Variants in SLC35F3 observed in about 807,000 individuals in gnomAD.
The protein encoded by SLC35F3 is solute carrier family 35 member F3, also known as putative thiamine transporter SLC35F3.
Under a neutral mutation model 49.9 loss-of-function variants are expected in SLC35F3, and 25 were observed. That is an observed-to-expected ratio of 0.50 (90% confidence interval 0.37 to 0.70). The LOEUF (loss-of-function observed/expected upper bound fraction) is 0.70, where lower values mean the gene tolerates loss of function less well. Among genes scored for constraint, SLC35F3 ranks in the 30% least tolerant of loss-of-function variants. The probability of loss-of-function intolerance (pLI) is 0.00; values close to 1 mark genes in which losing one functional copy is unlikely to be tolerated. For synonymous variants in SLC35F3, 275 were observed against 265.4 expected (o/e 1.04, Z -0.35); for missense variants, 525 against 639.8 (o/e 0.82, Z 1.94).
chr1:233,906,999 A>G (rs1016466753), intron 2 of SLC35F3, among the ~76,000 whole-genome samples: 2 of 152,194 alleles, frequency 1.3e-5, no homozygotes, highest in Admixed American at 1.3e-4. Context: ...GTAGCTTATT[A>G]CAAAAGGAAG....
At chr1:234,195,595 A>C (rs183840652) in intron 2 of SLC35F3, among the ~76,000 whole-genome samples, 14 of 152,120 alleles carry the variant, frequency 9.2e-5, no homozygotes, top group African/African-American at 3.4e-4. Flanking sequence ...ATCTTCCTTT[A>C]GGTTTCGGTC....
chr1:234,118,278 T>C (rs1665522636), intron 2 of SLC35F3, among the ~76,000 whole-genome samples: 1 of 152,168 alleles, frequency 6.6e-6, no homozygotes, highest in African/African-American at 2.4e-5. Flanking sequence ...TGCACTTTTA[T>C]CCCACCTTTC....
chr1:234,123,821 C>T (rs1665610125), intron 2 of SLC35F3, among the ~76,000 whole-genome samples: 1 of 152,146 alleles, frequency 6.6e-6, no homozygotes, highest in African/African-American at 2.4e-5. Context: ...TCTAAAAGCC[C>T]ATCTTCAGGC....
In SLC35F3 at chr1:234,129,520, T is replaced by C. The variant is rs11590641; in HGVS notation, c.284-101897T>C. 5.6e-3 allele frequency among the ~76,000 whole-genome samples: 858 copies of C among 152,286 alleles called. 6 individuals are homozygous for C. The highest frequency in any genetic ancestry group is 0.025 in the South Asian group (119 of 4,826). Reference sequence around the variant, plus strand: ...ACATTTAGATGTCACTTCCCCAACATTGATCCATAAAGTCAATGAAATCTC... The same window carrying C: ...ACATTTAGATGTCACTTCCCCAACACTGATCCATAAAGTCAATGAAATCTC... On this transcript the variant is annotated intron_variant, in intron 2 of 7. Coordinates refer to ENST00000366618, the MANE Select transcript of SLC35F3 (RefSeq NM_173508.4).
At chr1:233,994,528 T>C (rs2102828918) in intron 2 of SLC35F3, among the ~76,000 whole-genome samples, 1 of 152,328 alleles carries the variant, frequency 6.6e-6, no homozygotes, top group East Asian at 1.9e-4. Flanking sequence ...ACTGGTTAAG[T>C]TGTGAATCAA....
intron 3 of SLC35F3, chr1:234,268,950 G>T (rs930846107): frequency 6.6e-6 from 1 of 152,070 alleles, no homozygotes. Flanking sequence ...TACACACACA[G>T]ACACATATAT....
At chr1:234,250,462 G>A (rs1338220285) in intron 3 of SLC35F3, among the ~76,000 whole-genome samples, 1 of 151,838 alleles carries the variant, frequency 6.6e-6, no homozygotes, top group Admixed American at 6.6e-5. Context: ...AGACCATCCC[G>A]GCTAAAACGG....
chr1:234,170,543 C>G (rs111855959), intron 2 of SLC35F3, among the ~76,000 whole-genome samples: 1 of 152,002 alleles, frequency 6.6e-6, no homozygotes, highest in Non-Finnish European at 1.5e-5. Flanking sequence ...CCCAAGACAA[C>G]CCCGAGTAAG....
intron 2 of SLC35F3, among the ~76,000 whole-genome samples, chr1:233,958,114 C>CT (rs1662735500): frequency 6.6e-6 from 1 of 152,210 alleles, no homozygotes; most frequent in African/African-American, 2.4e-5. Flanking sequence ...AGGACATGGA[C>CT]ATAATGTCAC....
At chr1:234,104,897 G>A (rs1249241986) in intron 2 of SLC35F3, among the ~76,000 whole-genome samples, 8 of 152,256 alleles carry the variant, frequency 5.3e-5, no homozygotes, top group East Asian at 1.9e-4. Context: ...TTGGGAGGCC[G>A]AGGCAGGCGG....
intron 2 of SLC35F3, among the ~76,000 whole-genome samples, chr1:234,068,114 T>C (rs561322154): frequency 2.0e-5 from 3 of 152,236 alleles, no homozygotes; most frequent in Admixed American, 6.5e-5. Context: ...GAACCACTTA[T>C]GAGATTGGAA....
At chr1:234,130,608 T>A (rs1356652724) in intron 2 of SLC35F3, among the ~76,000 whole-genome samples, 22 of 141,818 alleles carry the variant, frequency 1.6e-4, no homozygotes, top group African/African-American at 5.3e-4. Flanking sequence ...GCCACTGCAC[T>A]CCAGCCCAGG....
chr1:234,267,304 C>T (rs1252879882), intron 3 of SLC35F3, among the ~76,000 whole-genome samples: 2 of 131,902 alleles, frequency 1.5e-5, no homozygotes, highest in African/African-American at 3.0e-5. Context: ...GGCAACCATC[C>T]GATTTCTCAA....
At chr1:234,206,194 T>G (rs1006484906) in intron 2 of SLC35F3, among the ~76,000 whole-genome samples, 1 of 152,112 alleles carries the variant, frequency 6.6e-6, no homozygotes, top group Admixed American at 6.5e-5. Context: ...TTTTGTGATC[T>G]TTGCAGGCAT....
chr1:233,912,346 T>C (rs928167023), intron 2 of SLC35F3, among the ~76,000 whole-genome samples: 2 of 151,846 alleles, frequency 1.3e-5, no homozygotes, highest in Non-Finnish European at 2.9e-5. Context: ...GGCATGGTGG[T>C]GGGCACCTGT....
intron 2 of SLC35F3, among the ~76,000 whole-genome samples, chr1:234,077,232 C>T (rs1471130540): frequency 6.6e-6 from 1 of 150,982 alleles, no homozygotes; most frequent in East Asian, 2.0e-4. Context: ...TCTCGATCTC[C>T]TGACCTCATG....
chr1:234,156,356 A>C (rs6689973), intron 2 of SLC35F3, among the ~76,000 whole-genome samples: 22,814 of 152,186 alleles, frequency 0.15, 5,440 homozygotes, highest in African/African-American at 0.51. Context: ...AGCCTTTGTA[A>C]AGTGCACACA....
intron 2 of SLC35F3, among the ~76,000 whole-genome samples, chr1:234,143,288 C>CTTTTCTTTTTTT (rs1478216426): frequency 5.7e-5 from 7 of 123,530 alleles, no homozygotes; most frequent in African/African-American, 1.4e-4. Context: ...CTTTTCTTTT[C>CTTTTCTTTTTTT]TTTTTTTTTT....
intron 2 of SLC35F3, among the ~76,000 whole-genome samples, chr1:234,012,123 C>A (rs1425478367): frequency 1.3e-5 from 2 of 152,210 alleles, no homozygotes; most frequent in African/African-American, 4.8e-5. Flanking sequence ...AGGCACTATG[C>A]CTGGATGTGC....
Sources: allele counts gnomAD v4.1 joint callset (sites outside exome capture counted in the v4.1 genomes callset), GRCh38; gene constraint gnomAD v4.1.1; transcripts MANE v1.5; gene names NCBI Gene and HGNC (gene_info 2026-07-23, HGNC 2026-07-21).